Variants in RELN observed in about 807,000 individuals in gnomAD.
The protein encoded by RELN is reelin.
RELN carries 108 observed loss-of-function variants against 427.6 expected under a neutral mutation model. That is an observed-to-expected ratio of 0.25 (90% CI 0.22 to 0.30). RELN has a LOEUF of 0.30. RELN is among the 10% of genes least tolerant of loss of function. RELN has a pLI of 1.00. For synonymous variants in RELN, 1,524 were observed against 1,513.4 expected, an observed-to-expected ratio of 1.01 and a Z score of -0.16; for missense variants, 3,715 against 4,302.8, an observed-to-expected ratio of 0.86 and a Z score of 3.82.
At chr7:103,558,594 T>C (rs575258321) in intron 36 of RELN, among the ~76,000 whole-genome samples, 129 of 152,214 alleles carry the variant, frequency 8.5e-4, no homozygotes, top group Non-Finnish European at 1.7e-3. Flanking sequence ...CAAGTCCTGA[T>C]GCTCACGCTG....
At chr7:103,564,972 T>C (rs1227697598) in intron 34 of RELN, among the ~76,000 whole-genome samples, 6 of 152,222 alleles carry the variant, frequency 3.9e-5, no homozygotes, top group Admixed American at 1.3e-4. Flanking sequence ...TACTGTTTTG[T>C]GTGAATAAGT....
chr7:103,753,281 G>A, intron 4 of RELN, 67 bp from the exon 5 acceptor site: 1 of 1,516,876 alleles, frequency 6.6e-7, no homozygotes, highest in Non-Finnish European at 9.1e-7. Context: ...GTAATAAAGA[G>A]TCACAACACA....
Position 103,630,110 on chromosome 7 carries a change from C to T in RELN, c.2532G>A (p.Pro844=), listed in dbSNP as rs113842330. 9.8e-5 allele frequency: 158 copies of T among 1,613,390 alleles called. 4 individuals carry two copies. Among genetic ancestry groups the T allele is most frequent in the Admixed American group, 9.7e-4 (58 of 59,990 alleles). ...QFGIQFRWWQ[P]YHSSQREDVW... is the part of the protein sequence containing the mutation. ...CATCTTCTCTCTGGGAAGAATGATA[C>T]GGTTGCCACCATCTGAACTGAATTC... Residue 844 remains proline, a synonymous_variant, in exon 20 of 65, where the codon CCG becomes CCA. Coordinates refer to ENST00000428762, the MANE Select transcript of RELN (RefSeq NM_005045.4).
At chr7:103,597,313 G>C (rs909205257) in intron 24 of RELN, among the ~76,000 whole-genome samples, 1 of 152,124 alleles carries the variant, frequency 6.6e-6, no homozygotes, top group East Asian at 1.9e-4. Context: ...AAAAGAAAGA[G>C]TACTTGAGGC....
intron 4 of RELN, among the ~76,000 whole-genome samples, chr7:103,757,397 G>T (rs1350803116): frequency 6.6e-6 from 1 of 151,940 alleles, no homozygotes; most frequent in African/African-American, 2.4e-5. Context: ...ACATTTTATT[G>T]GTCTGTTACT....
intron 59 of RELN, 21 bp from the exon 60 acceptor site, chr7:103,489,920 A>G: frequency 6.2e-7 from 1 of 1,613,882 alleles, no homozygotes; most frequent in African/African-American, 1.3e-5. Context: ...CACAGAGAGC[A>G]GAAGGGATTC....
chr7:103,545,069 G>T, intron 42 of RELN, 55 bp downstream of exon 42: 1 of 1,361,718 alleles, frequency 7.3e-7, no homozygotes, highest in Non-Finnish European at 1.0e-6. Context: ...CAAAAATTGT[G>T]TTTAACATAT....
intron 1 of RELN, among the ~76,000 whole-genome samples, chr7:103,926,119 T>TTTTTTA (rs1795729234): frequency 1.5e-5 from 2 of 133,014 alleles, no homozygotes; most frequent in African/African-American, 5.3e-5. Context: ...TTTTTTTTTT[T>TTTTTTA]GAGATGGAGT....
At chr7:103,956,252 AAG>A (rs781576721) in intron 1 of RELN, among the ~76,000 whole-genome samples, 22 of 152,302 alleles carry the variant, frequency 1.4e-4, no homozygotes, top group South Asian at 4.1e-4. Flanking sequence ...GATGGTAGTC[AAG>A]AGAGTCTCTC....
At chr7:103,605,332 C>A (rs1369110149) in intron 22 of RELN, among the ~76,000 whole-genome samples, 1 of 152,118 alleles carries the variant, frequency 6.6e-6, no homozygotes, top group African/African-American at 2.4e-5. Flanking sequence ...ATGCTAAATT[C>A]TACTTATTTC....
chr7:103,677,348 C>G (rs372790886), intron 11 of RELN, among the ~76,000 whole-genome samples: 2 of 145,326 alleles, frequency 1.4e-5, no homozygotes, highest in Admixed American at 1.4e-4. Context: ...CACCATGGCA[C>G]GTGTGTACCT....
chr7:103,896,021 T>C (rs1365293355), intron 2 of RELN, among the ~76,000 whole-genome samples: 2 of 152,106 alleles, frequency 1.3e-5, no homozygotes, highest in African/African-American at 2.4e-5. Flanking sequence ...TTTTTTTAAA[T>C]GGCTGTAAGA....
intron 19 of RELN, among the ~76,000 whole-genome samples, chr7:103,631,626 A>G (rs888824755): frequency 1.2e-4 from 18 of 152,310 alleles, no homozygotes; most frequent in African/African-American, 4.3e-4. Flanking sequence ...ATACATAGCT[A>G]TAATACATTT....
chr7:103,494,365 TTGTGTGTGTGTG>T (rs58533286), intron 57 of RELN, among the ~76,000 whole-genome samples: 1 of 118,256 alleles, frequency 8.5e-6, no homozygotes, highest in East Asian at 2.3e-4. Flanking sequence ...GTAATGACTT[TTGTGTGTGTGTG>T]TGTGTGTGTG....
At chr7:103,632,890 A>G (rs1317681871) in intron 19 of RELN, among the ~76,000 whole-genome samples, 1 of 152,196 alleles carries the variant, frequency 6.6e-6, no homozygotes, top group African/African-American at 2.4e-5. Flanking sequence ...TAATCAAGAC[A>G]TAAAAATAAA....
At chr7:103,505,966 C>T (rs1314833211) in intron 51 of RELN, among the ~76,000 whole-genome samples, 1 of 151,986 alleles carries the variant, frequency 6.6e-6, no homozygotes, top group Non-Finnish European at 1.5e-5. Context: ...ATAGCCGAAT[C>T]GATCAAGTGG....
intron 8 of RELN, among the ~76,000 whole-genome samples, chr7:103,720,901 G>A (rs553610321): frequency 3.9e-5 from 6 of 152,166 alleles, no homozygotes; most frequent in South Asian, 2.1e-4. Flanking sequence ...AGTTCTGCCC[G>A]CTATACGGTA....
intron 1 of RELN, among the ~76,000 whole-genome samples, chr7:103,934,213 A>G (rs1795929266): frequency 6.6e-6 from 1 of 152,164 alleles, no homozygotes; most frequent in East Asian, 1.9e-4. Flanking sequence ...CACTCTGTGT[A>G]TCTTTCCCAC....
chr7:103,610,161 T>C (rs1463245022), intron 22 of RELN, among the ~76,000 whole-genome samples: 1 of 152,244 alleles, frequency 6.6e-6, no homozygotes, highest in Non-Finnish European at 1.5e-5. Context: ...GAAAAAACTA[T>C]TGTGCTTTTT....
Sources: gnomAD v4.1 joint callset for allele counts (sites outside exome capture counted in the v4.1 genomes callset) on GRCh38, gnomAD v4.1.1 for gene constraint, MANE v1.5 for transcripts, NCBI Gene and HGNC (gene_info 2026-07-23, HGNC 2026-07-21) for gene names.